SRP68: variants seen among roughly 807,000 people sequenced by gnomAD.
The protein encoded by SRP68 is signal recognition particle subunit SRP68.
In SRP68, 15 loss-of-function variants were observed where a neutral mutation model predicts 82.2. That is an observed-to-expected ratio of 0.18 (90% CI 0.12 to 0.28). The LOEUF is 0.28. Among genes scored for constraint, SRP68 ranks in the 10% least tolerant of loss-of-function variants. The pLI, the probability that SRP68 is intolerant of heterozygous loss-of-function variation, is 1.00. For missense variants in SRP68, 595 were observed against 780.5 expected, an observed-to-expected ratio of 0.76 and a Z score of 2.83; for synonymous variants, 261 against 292.6, an observed-to-expected ratio of 0.89 and a Z score of 1.10.
intron 13 of SRP68, chr17:76,043,485 G>A (rs1431504183): frequency 3.0e-5 from 5 of 169,430 alleles, no homozygotes; most frequent in Admixed American, 1.3e-4. Context: ...CACAATCTCT[G>A]GGGGTGCGAC....
chr17:76,070,228 A>AAAAAC, intron 2 of SRP68, 150 bp downstream of exon 2: 1 of 690,214 alleles, frequency 1.4e-6, no homozygotes, highest in Non-Finnish European at 2.4e-6. Flanking sequence ...ATCTCAAAAA[A>AAAAAC]AAAAAAAAAA....
chr17:76,056,469 A>T (rs559058877), intron 8 of SRP68, among the ~76,000 whole-genome samples: 4 of 152,352 alleles, frequency 2.6e-5, no homozygotes, highest in African/African-American at 9.6e-5. Context: ...AGCAAAAATT[A>T]ACTTTCTAGT....
chr17:76,066,738 T>A (rs1201650480), intron 3 of SRP68, among the ~76,000 whole-genome samples: 2 of 151,820 alleles, frequency 1.3e-5, no homozygotes, highest in South Asian at 2.1e-4. Context: ...CTCCTTTTTT[T>A]TTTTTTGAGA....
At chr17:76,063,602 T>C (rs1392126407) in intron 4 of SRP68, among the ~76,000 whole-genome samples, 23 of 151,542 alleles carry the variant, frequency 1.5e-4, no homozygotes, top group Admixed American at 1.5e-3. Flanking sequence ...GCAGGAGAAT[T>C]GCTTGAACCT....
chr17:76,047,865 T>G (rs2066643094), intron 10 of SRP68, 41 bp downstream of exon 10: 5 of 1,063,072 alleles, frequency 4.7e-6, no homozygotes, highest in Admixed American at 2.6e-5. Flanking sequence ...TTCAAATATT[T>G]TAATAATATT....
At chr17:76,043,736 A>G in intron 13 of SRP68, 93 bp downstream of exon 13, 2 of 1,391,976 alleles carry the variant, frequency 1.4e-6, no homozygotes, top group Non-Finnish European at 9.5e-7. Flanking sequence ...GACCAGCCTG[A>G]GGTGGCGCCC....
At chr17:76,046,478 A>AAC (rs1457000106) in intron 10 of SRP68, among the ~76,000 whole-genome samples, 3 of 120,298 alleles carry the variant, frequency 2.5e-5, no homozygotes, top group African/African-American at 4.1e-5. Flanking sequence ...AAAAAAAAAA[A>AAC]AAAAAACAAA....
In SRP68 at chr17:76,050,355, C is replaced by T. The variant is rs114106909; in HGVS notation, c.1077+73G>A. On this transcript the variant is annotated intron_variant, in intron 9 of 15. Transcript: ENST00000307877. ...AGCAGTGCACTCAGAGCACTGGGGTCCACCTGAGAAGGGGACACAGGCTGA... is the reference window on the plus strand; with the variant it reads ...AGCAGTGCACTCAGAGCACTGGGGTTCACCTGAGAAGGGGACACAGGCTGA... The T allele has an allele frequency of 2.3e-4, 243 of 1,073,590 alleles. 1 individual carries two copies. The African/African-American group carries it at 3.6e-3, about 16-fold the overall frequency. The allele number at this position is 1,073,590 out of a possible 1,614,324, so 66.5% of individuals were successfully genotyped here.
intron 8 of SRP68, chr17:76,053,679 T>G (rs753698221): frequency 1.0e-6 from 1 of 983,026 alleles, no homozygotes; most frequent in Non-Finnish European, 1.2e-6. Context: ...GGGACTTAAG[T>G]CAGTTGTGTT....
intron 1 of SRP68, among the ~76,000 whole-genome samples, chr17:76,070,850 GCACACACA>G (rs71891783): frequency 1.2e-4 from 17 of 146,780 alleles, no homozygotes; most frequent in African/African-American, 1.3e-4. Flanking sequence ...ACATGCACAT[GCACACACA>G]CACACACACA....
At chr17:76,067,192 G>T (rs367726918) in intron 3 of SRP68, 25 bp downstream of exon 3, 21 of 1,528,472 alleles carry the variant, frequency 1.4e-5, no homozygotes, top group Middle Eastern at 1.7e-4. Context: ...GAAGTAATTT[G>T]CAACTAGCAT....
intron 4 of SRP68, among the ~76,000 whole-genome samples, chr17:76,062,743 A>ATTT (rs1820588583): frequency 4.4e-5 from 3 of 68,884 alleles, no homozygotes; most frequent in African/African-American, 1.7e-4. Context: ...ATATATATAT[A>ATTT]TATATATATA....
chr17:76,070,979 C>A (rs773495980), intron 1 of SRP68, among the ~76,000 whole-genome samples: 2 of 152,090 alleles, frequency 1.3e-5, no homozygotes, highest in South Asian at 4.1e-4. Context: ...AAACTGATTG[C>A]CTGAACTGTT....
intron 10 of SRP68, 152 bp from the exon 11 acceptor site, chr17:76,046,346 C>T (rs2066630604): frequency 2.5e-6 from 2 of 786,038 alleles, no homozygotes. Flanking sequence ...TCAAGGGACC[C>T]TCCATTTGGC....
Position 76,039,805 on chromosome 17 carries a change from G to A in SRP68, c.1785C>T (p.Leu595=). 1 of 1,614,242 alleles carries A rather than the reference G, an allele frequency of 6.2e-7. No homozygotes were observed. Among genetic ancestry groups the A allele is most frequent in the Non-Finnish European group, 8.5e-7 (1 of 1,180,042 alleles). ...CAAGGGGTGGGAAAGCCACATGGTTGAGGGCCAGGTCAAAGAACAAAGGCT... is the reference window on the plus strand; with the variant it reads ...CAAGGGGTGGGAAAGCCACATGGTTAAGGGCCAGGTCAAAGAACAAAGGCT... The part of the protein sequence containing the change: ...PCKPLFFDLA[L]NHVAFPPLED... Residue 595 remains leucine, a synonymous_variant, in exon 16 of 16, where the codon CTC becomes CTT. Coordinates refer to ENST00000307877, the MANE Select transcript of SRP68 (RefSeq NM_014230.4).
At chr17:76,047,217 A>G (rs1302407024) in intron 10 of SRP68, among the ~76,000 whole-genome samples, 1 of 152,056 alleles carries the variant, frequency 6.6e-6, no homozygotes, top group Non-Finnish European at 1.5e-5. Flanking sequence ...CCCTGGGCTC[A>G]GGGGATCCTC....
In SRP68 at chr17:76,039,402, C is replaced by T. The variant is rs773765318; in HGVS notation, c.*304G>A. On this transcript the variant is annotated 3_prime_UTR_variant, in exon 16 of 16. Transcript: ENST00000307877. ...TCTGTGCCTGGTGTGGACTCCTGAA[C>T]GCATTACTGACCAAAGGCAATCAAT... 1.6e-5 allele frequency: 9 copies of T among 561,214 alleles called. No individual in the cohort carries two copies. Among genetic ancestry groups the T allele is most frequent in the East Asian group, 8.4e-5 (2 of 23,906 alleles). 34.8% of individuals were successfully genotyped at this position (561,214 alleles called of 1,614,324 possible).
rs1298062276 is a variant in SRP68, at chr17:76,046,112, G to A, written c.1225C>T (p.Gln409Ter). ...AKGLQRALLQ[Q>*]QPEDDSKRSP... ...CGCTTGCTGTCATCCTCTGGCTGCT[G>A]CTGCAGCAGAGCCCTCTGCAGACCT... Residue 409 changes from glutamine (Q) to a stop codon, truncating the protein, a stop_gained, in exon 11 of 16, where the codon CAG becomes TAG. Transcript: ENST00000307877. LOFTEE classifies it high-confidence loss of function. 1 of 1,613,822 alleles carries A rather than the reference G, an allele frequency of 6.2e-7. No individual in the cohort carries two copies. Among genetic ancestry groups the A allele is most frequent in the Non-Finnish European group, 8.5e-7 (1 of 1,179,872 alleles).
intron 2 of SRP68, among the ~76,000 whole-genome samples, chr17:76,070,164 C>T (rs1567938374): frequency 7.5e-6 from 1 of 133,458 alleles, no homozygotes; most frequent in Non-Finnish European, 1.5e-5. Flanking sequence ...GTGGAGGTTG[C>T]AGTGAGCCAA....
Sources: gnomAD v4.1 joint callset for allele counts (sites outside exome capture counted in the v4.1 genomes callset) on GRCh38, gnomAD v4.1.1 for gene constraint, MANE v1.5 for transcripts, NCBI Gene and HGNC (gene_info 2026-07-23, HGNC 2026-07-21) for gene names.